The following UNC79 variants were observed in gnomAD, a reference collection of about 807,000 sequenced individuals.
UNC79 encodes protein unc-79 homolog.
UNC79 carries 37 observed loss-of-function variants against 283.1 expected under a neutral mutation model. The ratio of observed to expected loss-of-function variants is 0.13; its 90% CI spans 0.10 to 0.17. The LOEUF is 0.17. Ranked by LOEUF, UNC79 falls within the 10% of genes least tolerant of loss-of-function variation. UNC79 has a pLI of 1.00. For synonymous variants in UNC79, 1,107 were observed against 1,200.2 expected (o/e 0.92, Z 1.61); for missense variants, 2,272 against 3,211.1 (o/e 0.71, Z 7.07).
intron 1 of UNC79, among the ~76,000 whole-genome samples, chr14:93,440,748 T>C (rs894128157): frequency 1.3e-5 from 2 of 152,080 alleles, no homozygotes; most frequent in African/African-American, 4.8e-5. Context: ...TGTTTCTCTG[T>C]TGTGTTGTTG....
intron 12 of UNC79, 36 bp downstream of exon 12, chr14:93,538,254 C>T (rs973994699): frequency 6.7e-7 from 1 of 1,498,586 alleles, no homozygotes; most frequent in African/African-American, 1.4e-5. Flanking sequence ...CCTCTGACAA[C>T]TCCACCTTGC....
chr14:93,357,676 C>CATATATATAT (rs60284787), intron 1 of UNC79, among the ~76,000 whole-genome samples: 20 of 32,356 alleles, frequency 6.2e-4, no homozygotes, highest in Admixed American at 1.1e-3. Flanking sequence ...AATAAACTCC[C>CATATATATAT]ATATATATAT....
chr14:93,381,189 G>A (rs1447493911), intron 1 of UNC79, among the ~76,000 whole-genome samples: 1 of 152,174 alleles, frequency 6.6e-6, no homozygotes, highest in Non-Finnish European at 1.5e-5. Context: ...AGATTTGAAA[G>A]GGAAGCTGGT....
intron 8 of UNC79, among the ~76,000 whole-genome samples, chr14:93,527,391 A>G (rs1399277335): frequency 6.6e-6 from 1 of 152,242 alleles, no homozygotes; most frequent in East Asian, 1.9e-4. Context: ...AAATATTTAC[A>G]AAAAAAGTTT....
At chr14:93,698,478 T>A (rs1224492115) in intron 47 of UNC79, among the ~76,000 whole-genome samples, 25 of 94,032 alleles carry the variant, frequency 2.7e-4, no homozygotes, top group African/African-American at 8.3e-4. Context: ...TAGTTTAGGT[T>A]TTTTTTTTTT....
At chr14:93,438,628 G>A (rs1269005103) in intron 1 of UNC79, among the ~76,000 whole-genome samples, 1 of 147,910 alleles carries the variant, frequency 6.8e-6, no homozygotes, top group African/African-American at 2.5e-5. Context: ...AAAAAATAAT[G>A]TTTCAAGCAG....
intron 1 of UNC79, among the ~76,000 whole-genome samples, chr14:93,365,589 G>T (rs912375245): frequency 6.6e-6 from 1 of 152,092 alleles, no homozygotes; most frequent in Non-Finnish European, 1.5e-5. Flanking sequence ...CTATGAAGCA[G>T]AGATCTTGAA....
chr14:93,491,818 T>G (rs1021369588), intron 5 of UNC79, among the ~76,000 whole-genome samples: 2 of 152,210 alleles, frequency 1.3e-5, no homozygotes, highest in African/African-American at 2.4e-5. Context: ...TTTTAAAATC[T>G]GTATCTTCAT....
At chr14:93,707,168 A>AT (rs1008462677), downstream of UNC79, 16 of 374,564 alleles carry the variant, frequency 4.3e-5, no homozygotes, top group South Asian at 2.2e-4. Context: ...ACTAACTTCT[A>AT]TTTTTTTTAA....
intron 1 of UNC79, among the ~76,000 whole-genome samples, chr14:93,410,377 G>C (rs776518490): frequency 3.3e-5 from 5 of 152,106 alleles, no homozygotes; most frequent in Non-Finnish European, 7.4e-5. Context: ...AACTTGAAAG[G>C]CACCTTAGGC....
At chr14:93,692,884 C>T (rs1466001187) in intron 46 of UNC79, among the ~76,000 whole-genome samples, 1 of 152,194 alleles carries the variant, frequency 6.6e-6, no homozygotes, top group Non-Finnish European at 1.5e-5. Flanking sequence ...AAGCTGCAAC[C>T]AGCGTCTTGT....
chr14:93,467,664 T>TTATATTTTGTTAAA lies in UNC79; in HGVS notation c.23-7_23-6insTATATTTTGTTAAA. ...TTTTTTTTTTTTTTTTTTTTGCTTT[T>TTATATTTTGTTAAA]ATCTAGTTGCTTCCAAGATCCGGTA... On this transcript the variant is annotated splice_region_variant and splice_polypyrimidine_tract_variant and intron_variant, in intron 1 of 48. Coordinates refer to ENST00000555664, the Ensembl canonical transcript of UNC79. 8.2e-7 allele frequency: 1 copy of TTATATTTTGTTAAA among 1,224,138 alleles called. No individual in the cohort carries two copies. The highest frequency in any genetic ancestry group is 1.0e-6 in the Non-Finnish European group (1 of 979,750). 75.8% of individuals were successfully genotyped at this position (1,224,138 alleles called of 1,614,324 possible).
chr14:93,417,286 A>C (rs1875870037), intron 1 of UNC79, among the ~76,000 whole-genome samples: 2 of 151,960 alleles, frequency 1.3e-5, no homozygotes, highest in Non-Finnish European at 1.5e-5. Flanking sequence ...TATGAAGCTT[A>C]GTTTGGCTGG....
chr14:93,346,126 C>T (rs756889191), intron 1 of UNC79, among the ~76,000 whole-genome samples: 1 of 151,794 alleles, frequency 6.6e-6, no homozygotes, highest in African/African-American at 2.4e-5. Context: ...ACTTTATCAC[C>T]TACAAACCCT....
intron 1 of UNC79, among the ~76,000 whole-genome samples, chr14:93,421,379 C>T (rs1172725297): frequency 6.6e-6 from 1 of 151,588 alleles, no homozygotes; most frequent in African/African-American, 2.4e-5. Flanking sequence ...AATTCCTAGA[C>T]ACATGCAACC....
At chr14:93,499,148 G>A (rs1391755115) in intron 7 of UNC79, among the ~76,000 whole-genome samples, 9 of 152,078 alleles carry the variant, frequency 5.9e-5, no homozygotes, top group African/African-American at 2.2e-4. Context: ...AAAATACATG[G>A]TAACAATAAT....
rs2139769768 is a variant in UNC79, at chr14:93,613,232, C to T, written c.4041+149C>T. The T allele has an allele frequency of 2.8e-6, 3 of 1,061,998 alleles. No individual in the cohort carries two copies. In the East Asian group the frequency reaches 7.7e-5, roughly 27 times the overall value. The allele number at this position is 1,061,998 out of a possible 1,614,324, so 65.8% of individuals were successfully genotyped here. ...AGGAGTATGTGGAGGGGAATGTGAACATTAGTAAGAATTGGGAGCCTGGCT... is the reference window on the plus strand; with the variant it reads ...AGGAGTATGTGGAGGGGAATGTGAATATTAGTAAGAATTGGGAGCCTGGCT... On this transcript the variant is annotated intron_variant, in intron 27 of 48. Transcript: ENST00000555664.
At chr14:93,544,651 A>G (rs2061518875) in intron 14 of UNC79, among the ~76,000 whole-genome samples, 1 of 152,214 alleles carries the variant, frequency 6.6e-6, no homozygotes, top group African/African-American at 2.4e-5. Flanking sequence ...ATTTCTATAG[A>G]GGGAAGATTT....
At chr14:93,526,254 C>T (rs1285463697) in intron 8 of UNC79, among the ~76,000 whole-genome samples, 1 of 152,296 alleles carries the variant, frequency 6.6e-6, no homozygotes, top group East Asian at 1.9e-4. Context: ...ATAGGTCTGG[C>T]TCAGTATTGC....
Sources: gnomAD v4.1 joint callset for allele counts (sites outside exome capture counted in the v4.1 genomes callset) on GRCh38, gnomAD v4.1.1 for gene constraint, MANE v1.5 for transcripts, NCBI Gene and HGNC (gene_info 2026-07-23, HGNC 2026-07-21) for gene names.